LPL: variants seen among roughly 807,000 people sequenced by gnomAD.
LPL encodes phospholipase A1.
Under a neutral mutation model 52.2 loss-of-function variants are expected in LPL, and 43 were observed. The ratio of observed to expected loss-of-function variants is 0.82; its 90% CI spans 0.64 to 1.06. The LOEUF is 1.06. Among genes scored for constraint, LPL ranks in the 50% least tolerant of loss-of-function variants. The pLI, the probability that LPL is intolerant of heterozygous loss-of-function variation, is 0.00. For missense variants in LPL, 639 were observed against 585.3 expected, an observed-to-expected ratio of 1.09 and a Z score of -0.95; for synonymous variants, 244 against 215.6, an observed-to-expected ratio of 1.13 and a Z score of -1.15.
rs778358106 is a variant in LPL, at chr8:19,950,257, C to G, written c.250-1512C>G. 3.9e-5 allele frequency among the ~76,000 whole-genome samples: 6 copies of G among 152,162 alleles called. No homozygotes were observed. The highest frequency in any genetic ancestry group is 7.2e-5 in the African/African-American group (3 of 41,436). On this transcript the variant is annotated intron_variant, in intron 2 of 9. Transcript: ENST00000650287. The surrounding 1 kb of genome is among the most constrained non-coding windows in gnomAD (Gnocchi z 4.2). ...TCAGTTCAGCTGCGTGTCTGAAAAC[C>G]AAAGATTTAAAACATAGTAATTATT...
At chr8:19,957,968 A>G (rs1164146761) in intron 6 of LPL, among the ~76,000 whole-genome samples, 2 of 151,032 alleles carry the variant, frequency 1.3e-5, no homozygotes, top group East Asian at 1.9e-4. Context: ...GATATAGAAG[A>G]AAAAACATTC....
At position 19,953,982 on chromosome 8, in the gene LPL, A is replaced by G; in HGVS notation, c.542-138A>G. ...AGCCTCCTTTTATGTCTCTCTAAGT[A>G]AAGATACCATGACTGTAGAATAGGA... is the stretch of plus-strand genomic sequence containing the variant. On this transcript the variant is annotated intron_variant, in intron 4 of 9. Coordinates refer to ENST00000650287, the MANE Select transcript of LPL (RefSeq NM_000237.3). The G allele has an allele frequency of 5.6e-6, 4 of 718,632 alleles. No individual in the cohort carries two copies. The South Asian group carries it at 6.2e-5, about 11-fold the overall frequency. 44.5% of individuals were successfully genotyped at this position (718,632 alleles called of 1,614,324 possible).
In LPL at chr8:19,960,981, T is replaced by C. The variant is rs1270648831; in HGVS notation, c.1220T>C (p.Leu407Pro). The C allele has an allele frequency of 6.2e-7, 1 of 1,614,090 alleles. No homozygotes were observed. Among genetic ancestry groups the C allele is most frequent in the Non-Finnish European group, 8.5e-7 (1 of 1,179,970 alleles). ...VDIGELLMLK[L>P]KWKSDSYFSW... ...ATTGGAGAACTACTCATGTTGAAGC[T>C]CAAATGGAAGAGTGATTCATACTTT... The change falls in exon 8 of 10, where the codon CTC becomes CCC. Residue 407 changes from leucine (L) to proline (P), a missense_variant. Coordinates refer to ENST00000650287, the MANE Select transcript of LPL (RefSeq NM_000237.3).
Position 19,939,455 on chromosome 8 carries a change from C to A in LPL, c.15C>A (p.Ala5=), listed in dbSNP as rs554223627. 60 of 1,610,446 alleles carry A rather than the reference C, an allele frequency of 3.7e-5. No individual in the cohort carries two copies. In the East Asian group the frequency reaches 1.3e-3, roughly 36 times the overall value. The change falls in exon 1 of 10, where the codon GCC becomes GCA. Residue 5 remains alanine (A), a synonymous_variant. Transcript: ENST00000650287. The surrounding 1 kb of genome is among the most constrained non-coding windows in gnomAD (Gnocchi z 4.0). The part of the protein sequence containing the change: MESK[A]LLVLTLAVWL... ...CGCGCCCCGAGATGGAGAGCAAAGCCCTGCTCGTGCTGACTCTGGCCGTGT... is the reference window on the plus strand; with the variant it reads ...CGCGCCCCGAGATGGAGAGCAAAGCACTGCTCGTGCTGACTCTGGCCGTGT...
intron 1 of LPL, among the ~76,000 whole-genome samples, chr8:19,940,800 CAA>C (rs1342045714): frequency 1.3e-5 from 2 of 152,094 alleles, no homozygotes; most frequent in African/African-American, 4.8e-5. Flanking sequence ...GGTTAAAAAA[CAA>C]AAAGTTGGCA....
chr8:19,948,520 C>A (rs1185214868), intron 2 of LPL, 180 bp downstream of exon 2: 2 of 677,286 alleles, frequency 3.0e-6, no homozygotes, highest in South Asian at 2.0e-5. Flanking sequence ...ATGAGAACTC[C>A]CCCTAGGCAG....
At chr8:19,959,606 A>T (rs2070019299) in intron 7 of LPL, among the ~76,000 whole-genome samples, 1 of 152,026 alleles carries the variant, frequency 6.6e-6, no homozygotes, top group Non-Finnish European at 1.5e-5. Flanking sequence ...TTATCATCTT[A>T]TATCTGTTTA....
chr8:19,940,329 G>A (rs2069824003), intron 1 of LPL, among the ~76,000 whole-genome samples: 1 of 152,202 alleles, frequency 6.6e-6, no homozygotes, highest in Non-Finnish European at 1.5e-5. Context: ...TGCCAGGTCT[G>A]CGTTTGGCCA....
In LPL at chr8:19,954,608, G is replaced by C. The variant is rs147908401; in HGVS notation, c.775+255G>C. Reference sequence around the variant, plus strand: ...AGCAAGAGAAAAAGGTGGGATTTTAGACAGGAAGACTCCACTGACCTCAAT... The same window carrying C: ...AGCAAGAGAAAAAGGTGGGATTTTACACAGGAAGACTCCACTGACCTCAAT... On this transcript the variant is annotated intron_variant, in intron 5 of 9. Transcript: ENST00000650287. 9.1e-4 allele frequency among the ~76,000 whole-genome samples: 138 copies of C among 152,250 alleles called. 1 individual carries two copies. The highest frequency in any genetic ancestry group is 3.2e-3 in the African/African-American group (133 of 41,560).
At chr8:19,960,879 A>G (rs753171874) in intron 7 of LPL, 22 bp from the exon 8 acceptor site, 2 of 1,606,956 alleles carry the variant, frequency 1.2e-6, no homozygotes, top group South Asian at 1.1e-5. Context: ...TAACTAACCA[A>G]ATTTATTGCT....
intron 2 of LPL, chr8:19,951,558 A>G: frequency 1.5e-6 from 1 of 649,430 alleles, no homozygotes; most frequent in South Asian, 1.8e-5. Flanking sequence ...CCGTTCCTCA[A>G]CTCAACTCAA....
intron 1 of LPL, among the ~76,000 whole-genome samples, chr8:19,940,466 A>T (rs1165061173): frequency 2.0e-5 from 3 of 152,196 alleles, no homozygotes; most frequent in Non-Finnish European, 4.4e-5. Flanking sequence ...CCGCCAGGGA[A>T]CCGCCCGCTC....
chr8:19,950,870 G>A lies in LPL; in HGVS notation c.250-899G>A, dbSNP rs1427584237. On this transcript the variant is annotated intron_variant, in intron 2 of 9. Transcript: ENST00000650287. The surrounding 1 kb of genome is among the most constrained non-coding windows in gnomAD (Gnocchi z 4.2). The stretch of plus-strand genomic sequence containing the variant: ...GGAAGGAAGGGAAGGAGGAAGGGAA[G>A]GAGGGAGGGAGGAAGGAAGGAAGGA... Among the ~76,000 whole-genome samples, 2 of 150,164 alleles carry A rather than the reference G, an allele frequency of 1.3e-5. No individual in the cohort carries two copies. The highest frequency in any genetic ancestry group is 4.9e-5 in the African/African-American group (2 of 40,802).
At chr8:19,949,247 A>C (rs770414828) in intron 2 of LPL, among the ~76,000 whole-genome samples, 1 of 152,182 alleles carries the variant, frequency 6.6e-6, no homozygotes, top group Non-Finnish European at 1.5e-5. Context: ...TAAAAATAAC[A>C]TTCATCTAGT....
intron 2 of LPL, 70 bp from the exon 3 acceptor site, chr8:19,951,699 G>A (rs1173284772): frequency 6.5e-7 from 1 of 1,536,392 alleles, no homozygotes; most frequent in Non-Finnish European, 9.0e-7. Context: ...TCATGCAGGT[G>A]TATTGGGCTG....
intron 9 of LPL, among the ~76,000 whole-genome samples, chr8:19,962,922 T>C (rs12679834): frequency 0.094 from 14,337 of 152,260 alleles, 653 homozygotes; most frequent in East Asian, 0.11. Context: ...TGACCTTCAC[T>C]ACTCCTGTTC....
At chr8:19,958,341 T>A in intron 6 of LPL, among the ~76,000 whole-genome samples, 1 of 151,978 alleles carries the variant, frequency 6.6e-6, no homozygotes, top group East Asian at 1.9e-4. Context: ...TCTTTTTTCC[T>A]CCATCATCAT....
In LPL at chr8:19,959,396, G is replaced by A. The variant is rs371513717; in HGVS notation, c.1139+16G>A. 6 of 1,613,686 alleles carry A rather than the reference G, an allele frequency of 3.7e-6. No individual in the cohort carries two copies. Among genetic ancestry groups the A allele is most frequent in the African/African-American group, 1.3e-5 (1 of 74,886 alleles). The stretch of plus-strand genomic sequence containing the variant: ...CATTCACTCTGTGAGTAGCACAGGG[G>A]GGCGGTCATCATGGCACCAGTCCCT... On this transcript the variant is annotated intron_variant, in intron 7 of 9. Transcript: ENST00000650287.
rs754969823 is a variant in LPL at position 19,939,539 on chromosome 8, C to T, written c.88+11C>T. On this transcript the variant is annotated intron_variant, in intron 1 of 9. Transcript: ENST00000650287. This position sits in a 1 kb window ranked among gnomAD's most constrained non-coding sequence, Gnocchi z 4.0. Reference sequence around the variant, plus strand: ...TGGCCGCCGCCGACCGTAAGTTTTGCGCGCAAACTCCCCTCCACCTGCAGA... The same window carrying T: ...TGGCCGCCGCCGACCGTAAGTTTTGTGCGCAAACTCCCCTCCACCTGCAGA... The T allele has an allele frequency of 6.2e-7, 1 of 1,603,692 alleles. No individual in the cohort carries two copies. The highest frequency in any genetic ancestry group is 8.5e-7 in the Non-Finnish European group (1 of 1,176,162).
Sources: gnomAD v4.1 joint callset for allele counts (sites outside exome capture counted in the v4.1 genomes callset) on GRCh38, gnomAD v4.1.1 for gene constraint, Gnocchi (gnomAD v3.1) non-coding constraint, MANE v1.5 for transcripts, NCBI Gene and HGNC (gene_info 2026-07-23, HGNC 2026-07-21) for gene names.